CERS3: variants seen among roughly 807,000 people sequenced by gnomAD.
CERS3 encodes LAG1 homolog, ceramide synthase 3.
In CERS3, 33 loss-of-function variants were observed where a neutral mutation model predicts 50.3. The ratio of observed to expected loss-of-function variants is 0.66; its 90% CI spans 0.50 to 0.88. The LOEUF (loss-of-function observed/expected upper bound fraction) is 0.88, where lower values mean the gene tolerates loss of function less well. Ranked by LOEUF, CERS3 falls within the 40% of genes least tolerant of loss-of-function variation. CERS3 has a pLI of 0.00. For missense variants in CERS3, 470 were observed against 460.3 expected (o/e 1.02, Z -0.19); for synonymous variants, 176 against 155.2 (o/e 1.13, Z -0.99).
intron 11 of CERS3, among the ~76,000 whole-genome samples, chr15:100,454,206 C>T (rs1369867217): frequency 6.6e-6 from 1 of 151,966 alleles, no homozygotes; most frequent in African/African-American, 2.4e-5. Context: ...TCCTGGAAAA[C>T]ATAGAGACCC....
intron 11 of CERS3, among the ~76,000 whole-genome samples, chr15:100,417,469 G>A (rs1030276879): frequency 6.6e-6 from 1 of 152,038 alleles, no homozygotes; most frequent in African/African-American, 2.4e-5. Context: ...ACAGCAGTCT[G>A]AGATCAAACT....
intron 3 of CERS3, among the ~76,000 whole-genome samples, chr15:100,500,978 GC>G (rs2035979438): frequency 1.3e-5 from 2 of 152,078 alleles, no homozygotes; most frequent in African/African-American, 4.8e-5. Context: ...GCTAATAACA[GC>G]TTTTTGAAAT....
At chr15:100,434,893 G>C (rs1431116077) in intron 11 of CERS3, among the ~76,000 whole-genome samples, 3 of 151,910 alleles carry the variant, frequency 2.0e-5, no homozygotes, top group Non-Finnish European at 4.4e-5. Flanking sequence ...ATTTCGTTTT[G>C]GGAAACGACG....
chr15:100,458,546 A>G (rs1376607041), intron 10 of CERS3, among the ~76,000 whole-genome samples: 1 of 151,060 alleles, frequency 6.6e-6, no homozygotes, highest in African/African-American at 2.4e-5. Context: ...ACATCACGCC[A>G]TTGCACTCTA....
intron 11 of CERS3, among the ~76,000 whole-genome samples, chr15:100,427,473 G>A (rs1396128731): frequency 6.6e-6 from 1 of 152,124 alleles, no homozygotes; most frequent in Non-Finnish European, 1.5e-5. Flanking sequence ...AATTCCCAAC[G>A]GATGTGCCAG....
chr15:100,479,363 T>A, intron 7 of CERS3, 65 bp downstream of exon 7: 1 of 1,236,698 alleles, frequency 8.1e-7, no homozygotes, highest in Non-Finnish European at 1.2e-6. Flanking sequence ...AAGACGTAAC[T>A]AAGGAGATAA....
chr15:100,436,981 T>C (rs994484759), intron 11 of CERS3, among the ~76,000 whole-genome samples: 2 of 150,306 alleles, frequency 1.3e-5, no homozygotes, highest in Non-Finnish European at 3.0e-5. Flanking sequence ...TCTCACTCTG[T>C]CATCCAGGTT....
intron 10 of CERS3, among the ~76,000 whole-genome samples, chr15:100,458,961 C>G (rs1217722567): frequency 1.3e-5 from 2 of 152,136 alleles, no homozygotes; most frequent in Admixed American, 1.3e-4. Flanking sequence ...GCCTCTGGAC[C>G]ATTTGGTCTC....
intron 10 of CERS3, among the ~76,000 whole-genome samples, chr15:100,467,021 T>C (rs1232171872): frequency 6.6e-6 from 1 of 151,456 alleles, no homozygotes; most frequent in Non-Finnish European, 1.5e-5. Flanking sequence ...ACCCGGCTAA[T>C]TTTTTTGTAT....
intron 11 of CERS3, among the ~76,000 whole-genome samples, chr15:100,412,206 T>C (rs2031546348): frequency 6.6e-6 from 1 of 152,152 alleles, no homozygotes; most frequent in Admixed American, 6.5e-5. Flanking sequence ...TCTTCTATAG[T>C]TTTAGGTCTT....
chr15:100,510,050 T>C (rs1227699748), intron 2 of CERS3, among the ~76,000 whole-genome samples: 1 of 151,500 alleles, frequency 6.6e-6, no homozygotes, highest in Non-Finnish European at 1.5e-5. Flanking sequence ...TAGTATGTCT[T>C]TAAGATAAAA....
intron 3 of CERS3, among the ~76,000 whole-genome samples, chr15:100,499,108 G>A (rs1378614324): frequency 6.6e-6 from 1 of 152,108 alleles, no homozygotes; most frequent in African/African-American, 2.4e-5. Flanking sequence ...TTGCTGGGGT[G>A]GAGAATCTAC....
chr15:100,476,056 A>T (rs2035117510), intron 8 of CERS3, 30 bp downstream of exon 8: 2 of 1,456,198 alleles, frequency 1.4e-6, no homozygotes, highest in East Asian at 2.5e-5. Flanking sequence ...GAAGAAATTG[A>T]TAAAGAAGCT....
At chr15:100,443,171 T>G (rs4625704) in intron 11 of CERS3, among the ~76,000 whole-genome samples, 5,674 of 141,976 alleles carry the variant, frequency 0.04, 43 homozygotes, top group African/African-American at 0.11. Flanking sequence ...TGTATCCCCC[T>G]ACCTTAACCC....
chr15:100,494,886 C>A (rs1452735939), intron 3 of CERS3, among the ~76,000 whole-genome samples: 2 of 152,224 alleles, frequency 1.3e-5, no homozygotes, highest in African/African-American at 4.8e-5. Flanking sequence ...TTTCCAAGAA[C>A]ATGTTGGAGT....
intron 4 of CERS3, among the ~76,000 whole-genome samples, chr15:100,489,955 T>C (rs938457638): frequency 3.9e-5 from 6 of 152,188 alleles, no homozygotes; most frequent in Non-Finnish European, 8.8e-5. Context: ...GCAATTGTCA[T>C]AGTAGAGGCA....
intron 11 of CERS3, among the ~76,000 whole-genome samples, chr15:100,444,274 T>G (rs929338197): frequency 2.0e-5 from 3 of 152,196 alleles, no homozygotes; most frequent in Admixed American, 6.5e-5. Context: ...ATATATACTT[T>G]CTGCTCCCCG....
intron 11 of CERS3, among the ~76,000 whole-genome samples, chr15:100,421,410 A>G (rs1464762723): frequency 1.3e-5 from 2 of 152,062 alleles, no homozygotes; most frequent in African/African-American, 2.4e-5. Flanking sequence ...AGAACTACAA[A>G]CCACTGCTCA....
chr15:100,494,769 C>T (rs1262655481), intron 3 of CERS3, among the ~76,000 whole-genome samples: 1 of 152,208 alleles, frequency 6.6e-6, no homozygotes, highest in Non-Finnish European at 1.5e-5. Context: ...AATGTTTGCA[C>T]AGAGCCTAAA....
Sources: allele counts gnomAD v4.1 joint callset (sites outside exome capture counted in the v4.1 genomes callset), GRCh38; gene constraint gnomAD v4.1.1; transcripts MANE v1.5; gene names NCBI Gene and HGNC (gene_info 2026-07-23, HGNC 2026-07-21).